Variants in TMEM255A observed in about 807,000 individuals in gnomAD.
The protein encoded by TMEM255A is family with sequence similarity 70, member A.
In TMEM255A, 14 loss-of-function variants were observed where a neutral mutation model predicts 23.5. The ratio of observed to expected loss-of-function variants is 0.60; its 90% CI spans 0.39 to 0.93. TMEM255A has a LOEUF of 0.93. TMEM255A is among the 40% of genes least tolerant of loss of function. TMEM255A has a pLI of 0.00. For missense variants in TMEM255A, 233 were observed against 261.7 expected (o/e 0.89, Z 0.76); for synonymous variants, 104 against 100.3 (o/e 1.04, Z -0.22).
intron 8 of TMEM255A, 54 bp from the exon 9 acceptor site, chrX:120,261,082 A>G (rs1403417777): frequency 3.2e-5 from 37 of 1,150,570 alleles, no homozygotes; most frequent in African/African-American, 5.6e-5. Context: ...AATTCCCTGA[A>G]CAGTCATTAC....
intron 2 of TMEM255A, among the ~76,000 whole-genome samples, 199 bp from the exon 3 acceptor site, chrX:120,294,250 C>T (rs1036946789): frequency 1.8e-5 from 2 of 108,770 alleles, no homozygotes; most frequent in Non-Finnish European, 1.9e-5. Flanking sequence ...CCGGCTAAAA[C>T]GGTGAAACCC....
intron 6 of TMEM255A, among the ~76,000 whole-genome samples, chrX:120,279,998 CTTTTTTTT>C (rs59428362): frequency 2.6e-4 from 10 of 38,201 alleles, no homozygotes; most frequent in South Asian, 3.0e-3. Flanking sequence ...CCTTTTCTTT[CTTTTTTTT>C]TTTTTTTTTT....
chrX:120,274,488 G>A (rs370457768), intron 7 of TMEM255A, among the ~76,000 whole-genome samples: 1 of 111,634 alleles, frequency 9.0e-6, no homozygotes, highest in East Asian at 2.8e-4. Context: ...GCTTGGCAGG[G>A]TTGTGTTCCT....
At chrX:120,267,007 T>C (rs1556017725) in intron 8 of TMEM255A, among the ~76,000 whole-genome samples, 1 of 112,112 alleles carries the variant, frequency 8.9e-6, no homozygotes, top group African/African-American at 3.2e-5. Flanking sequence ...GTGGGAGTTA[T>C]TTATATCCTC....
intron 3 of TMEM255A, among the ~76,000 whole-genome samples, chrX:120,291,933 C>T (rs1471062944): frequency 9.0e-6 from 1 of 111,107 alleles, no homozygotes; most frequent in African/African-American, 3.3e-5. Flanking sequence ...GGACATTCAA[C>T]TTAAGACTTA....
chrX:120,260,212 C>T lies in TMEM255A; in HGVS notation c.*658G>A, dbSNP rs1351228748. 1.3e-6 allele frequency: 1 copy of T among 750,164 alleles called. No homozygotes were observed. The highest frequency in any genetic ancestry group is 1.6e-6 in the Non-Finnish European group (1 of 636,365). 61.8% of individuals were successfully genotyped at this position (750,164 alleles called of 1,213,427 possible). The stretch of plus-strand genomic sequence containing the variant: ...TTCCGGAACAATACATCCTGTTCCC[C>T]ACTACTGAAGATGCAAGAATATTGC... On this transcript the variant is annotated 3_prime_UTR_variant, in exon 9 of 9. Transcript: ENST00000371369.
At chrX:120,267,998 TCC>T (rs1341925101) in intron 8 of TMEM255A, among the ~76,000 whole-genome samples, 1 of 111,104 alleles carries the variant, frequency 9.0e-6, no homozygotes, top group African/African-American at 3.3e-5. Context: ...CCTCCCTCTC[TCC>T]CTTTTTCTTC....
At chrX:120,302,659 C>T (rs1436305664) in intron 2 of TMEM255A, among the ~76,000 whole-genome samples, 2 of 111,420 alleles carry the variant, frequency 1.8e-5, no homozygotes, top group East Asian at 5.6e-4. Context: ...CTGCCCTCAG[C>T]TGGGAGGAGC....
chrX:120,262,014 G>A (rs1381073160), intron 8 of TMEM255A, among the ~76,000 whole-genome samples: 1 of 112,020 alleles, frequency 8.9e-6, no homozygotes, highest in Admixed American at 9.5e-5. Context: ...TCTAGGCCGG[G>A]CGCGGTGGCT....
In TMEM255A at chrX:120,260,618, A is replaced by G. The variant is rs1287078727; in HGVS notation, c.*252T>C. 1 of 333,725 alleles carries G rather than the reference A, an allele frequency of 3.0e-6. No individual in the cohort carries two copies. Among genetic ancestry groups the G allele is most frequent in the East Asian group, 5.5e-5 (1 of 18,118 alleles). 27.5% of individuals were successfully genotyped at this position (333,725 alleles called of 1,213,427 possible). ...AGCATAGGGTAATGCAAGTCCAAAC[A>G]AGCTTCTTGCTGGGCTGGCTCCCCA... On this transcript the variant is annotated 3_prime_UTR_variant, in exon 9 of 9. Coordinates refer to ENST00000371369, the MANE Select transcript of TMEM255A (RefSeq NM_001104544.3).
intron 7 of TMEM255A, among the ~76,000 whole-genome samples, chrX:120,272,740 ATTT>A (rs781928518): frequency 1.2e-5 from 1 of 80,998 alleles, no homozygotes; most frequent in Non-Finnish European, 2.3e-5. Flanking sequence ...GTCTTGGGCT[ATTT>A]TTTTTTTTTT....
intron 1 of TMEM255A, among the ~76,000 whole-genome samples, chrX:120,308,532 T>C (rs2058078527): frequency 9.0e-6 from 1 of 111,422 alleles, no homozygotes; most frequent in Non-Finnish European, 1.9e-5. Context: ...CAGCCTTGAG[T>C]ATCCCTAGAA....
chrX:120,293,310 C>A (rs1054352214), intron 3 of TMEM255A, among the ~76,000 whole-genome samples: 1 of 112,776 alleles, frequency 8.9e-6, no homozygotes, highest in African/African-American at 3.2e-5. Context: ...CTTGAGGGAG[C>A]CTTTTCAGAT....
At chrX:120,263,014 G>T (rs1446546783) in intron 8 of TMEM255A, among the ~76,000 whole-genome samples, 1 of 111,190 alleles carries the variant, frequency 9.0e-6, no homozygotes, top group Non-Finnish European at 1.9e-5. Flanking sequence ...AGTATGGGGG[G>T]AGGGGGTCAT....
chrX:120,294,760 C>T (rs2057943362), intron 2 of TMEM255A, among the ~76,000 whole-genome samples: 1 of 111,741 alleles, frequency 8.9e-6, no homozygotes, highest in Non-Finnish European at 1.9e-5. Flanking sequence ...ATGTATAGAT[C>T]ACAAAATAAA....
In TMEM255A at chrX:120,291,343, G is replaced by A; in HGVS notation, c.265-3C>T. On this transcript the variant is annotated splice_polypyrimidine_tract_variant and splice_region_variant and intron_variant, in intron 3 of 8. Coordinates refer to ENST00000371369, the MANE Select transcript of TMEM255A (RefSeq NM_001104544.3). ...ATAAACACGATAGAAGCCACCAGCT[G>A]TAGGGGGGAATAAAACAAAAGCGTC... 8.3e-7 allele frequency: 1 copy of A among 1,201,330 alleles called. No individual in the cohort carries two copies. The highest frequency in any genetic ancestry group is 1.1e-6 in the Non-Finnish European group (1 of 888,324).
chrX:120,308,658 C>T (rs781901681), intron 1 of TMEM255A, among the ~76,000 whole-genome samples: 75 of 112,035 alleles, frequency 6.7e-4, no homozygotes, highest in African/African-American at 2.2e-3. Context: ...GGAGAACATC[C>T]GAGGCCGCCC....
At position 120,296,905 on chromosome X, in the gene TMEM255A, TTA is replaced by T. The variant is rs1199272311; in HGVS notation, c.202-2856_202-2855del. On this transcript the variant is annotated intron_variant, in intron 2 of 8. Coordinates refer to ENST00000371369, the MANE Select transcript of TMEM255A (RefSeq NM_001104544.3). The stretch of plus-strand genomic sequence containing the variant: ...TATATTATATATGATATATATAATA[TTA>T]TATATATATTATATATAATATTATA... Among the ~76,000 whole-genome samples, 47 of 5,136 alleles carry T rather than the reference TTA, an allele frequency of 9.2e-3. 1 individual carries two copies. The highest frequency in any genetic ancestry group is 9.3e-3 in the Non-Finnish European group (36 of 3,888). 4.5% of individuals were successfully genotyped at this position (5,136 alleles called of 115,157 possible).
downstream of TMEM255A, chrX:120,254,534 G>A (rs373362053): frequency 5.0e-6 from 6 of 1,209,963 alleles, no homozygotes; most frequent in African/African-American, 1.1e-4. Flanking sequence ...CATTAATACA[G>A]AAGATGCAGA....
Sources: gnomAD v4.1 joint callset for allele counts (sites outside exome capture counted in the v4.1 genomes callset) on GRCh38, gnomAD v4.1.1 for gene constraint, MANE v1.5 for transcripts, NCBI Gene and HGNC (gene_info 2026-07-23, HGNC 2026-07-21) for gene names.